The following CUX2 variants were observed in gnomAD, a reference collection of about 807,000 sequenced individuals.
CUX2 encodes homeobox protein cut-like 2.
CUX2 carries 40 observed loss-of-function variants against 144.8 expected under a neutral mutation model. The ratio of observed to expected loss-of-function variants is 0.28; its 90% CI spans 0.21 to 0.36. CUX2 has a LOEUF of 0.36. Among genes scored for constraint, CUX2 ranks in the 10% least tolerant of loss-of-function variants. The pLI is 1.00. For synonymous variants in CUX2, 827 were observed against 875.6 expected (o/e 0.94, Z 0.98); for missense variants, 1,615 against 1,994.0 (o/e 0.81, Z 3.62).
chr12:111,259,954 G>A (rs1884030119), intron 3 of CUX2, among the ~76,000 whole-genome samples: 1 of 151,900 alleles, frequency 6.6e-6, no homozygotes, highest in Non-Finnish European at 1.5e-5. Context: ...CCGAGCTCAG[G>A]AGTTTGAGAC....
At chr12:111,126,124 T>C (rs951802580) in intron 1 of CUX2, among the ~76,000 whole-genome samples, 1 of 151,536 alleles carries the variant, frequency 6.6e-6, no homozygotes, top group African/African-American at 2.4e-5. Flanking sequence ...TTTTTTTTTT[T>C]TTAAGATGGA....
intron 1 of CUX2, among the ~76,000 whole-genome samples, chr12:111,116,950 G>A (rs1165234657): frequency 2.0e-5 from 3 of 152,196 alleles, no homozygotes; most frequent in Non-Finnish European, 4.4e-5. Context: ...CTGGCCTGAG[G>A]TTGCAGAGCT....
chr12:111,323,866 T>G (rs892618722), intron 18 of CUX2, among the ~76,000 whole-genome samples: 2 of 152,024 alleles, frequency 1.3e-5, no homozygotes, highest in Non-Finnish European at 2.9e-5. Flanking sequence ...AAATCAGCCT[T>G]GGCAACATGG....
intron 1 of CUX2, among the ~76,000 whole-genome samples, chr12:111,101,012 C>A (rs367611822): frequency 3.9e-5 from 6 of 152,224 alleles, no homozygotes; most frequent in African/African-American, 1.2e-4. Flanking sequence ...TTTTAACCCA[C>A]CCTATTCCAA....
chr12:111,042,690 G>A (rs1869809037), intron 1 of CUX2, among the ~76,000 whole-genome samples: 2 of 151,996 alleles, frequency 1.3e-5, no homozygotes, highest in South Asian at 4.2e-4. Flanking sequence ...GGAGTGCAAC[G>A]GTGCCATCAG....
At chr12:111,166,922 G>A (rs1463561025) in intron 1 of CUX2, among the ~76,000 whole-genome samples, 1 of 152,248 alleles carries the variant, frequency 6.6e-6, no homozygotes, top group African/African-American at 2.4e-5. Flanking sequence ...CTTGGCAGCA[G>A]GCTGCTGGCT....
chr12:111,062,484 C>T (rs1169906939), intron 1 of CUX2, among the ~76,000 whole-genome samples: 2 of 152,214 alleles, frequency 1.3e-5, no homozygotes, highest in Non-Finnish European at 2.9e-5. Context: ...AGCTGGGAGA[C>T]GGCTCGAGCG....
intron 1 of CUX2, among the ~76,000 whole-genome samples, chr12:111,165,145 G>A (rs773641843): frequency 5.3e-4 from 81 of 152,306 alleles, no homozygotes; most frequent in Non-Finnish European, 7.9e-4. Flanking sequence ...CCTCTGTGTC[G>A]TAAGGGACTA....
intron 1 of CUX2, among the ~76,000 whole-genome samples, chr12:111,130,243 A>C (rs968100318): frequency 6.6e-6 from 1 of 152,198 alleles, no homozygotes; most frequent in Non-Finnish European, 1.5e-5. Context: ...CTGTGAATTG[A>C]TTGAGGGGCT....
At chr12:111,328,864 A>T (rs1018680085) in intron 18 of CUX2, among the ~76,000 whole-genome samples, 18 of 151,654 alleles carry the variant, frequency 1.2e-4, no homozygotes, top group African/African-American at 4.1e-4. Flanking sequence ...CTGGGATTAC[A>T]GGCATGAGCT....
chr12:111,319,921 T>C (rs1887420972), intron 16 of CUX2, 91 bp from the exon 17 acceptor site: 1 of 1,398,558 alleles, frequency 7.2e-7, no homozygotes, highest in Non-Finnish European at 9.2e-7. Flanking sequence ...CTGGACACCG[T>C]GCTGGCATCA....
At chr12:111,248,285 C>G (rs1051478533) in intron 3 of CUX2, among the ~76,000 whole-genome samples, 4 of 152,210 alleles carry the variant, frequency 2.6e-5, no homozygotes, top group African/African-American at 9.6e-5. Context: ...CACTGAGGCA[C>G]AGAGTGTTCC....
rs1277709293 is a variant in CUX2, at chr12:111,310,735, A to C, written c.1900+53A>C. On this transcript the variant is annotated intron_variant, in intron 15 of 21. Transcript: ENST00000261726. This position sits in a 1 kb window ranked among gnomAD's most constrained non-coding sequence, Gnocchi z 7.9. ...CTGGCCACCACGCCAGGTCCAGGGC[A>C]TCAGGGCTGGGGGCTGAGGACACGC... 1 of 1,535,464 alleles carries C rather than the reference A, an allele frequency of 6.5e-7. No homozygotes were observed. The highest frequency in any genetic ancestry group is 8.8e-7 in the Non-Finnish European group (1 of 1,138,852).
rs1252452537 is a variant in CUX2, at chr12:111,042,986, C to T, written c.63+8746C>T. 7.2e-5 allele frequency among the ~76,000 whole-genome samples: 11 copies of T among 152,172 alleles called. 1 individual carries two copies. The highest frequency in any genetic ancestry group is 7.2e-4 in the Admixed American group (11 of 15,276). On this transcript the variant is annotated intron_variant, in intron 1 of 21. Transcript: ENST00000261726. ...GCATATGAAGCGCTGAGATCCATGCCCAGCACATTGAAACATGATATAATG... is the reference window on the plus strand; with the variant it reads ...GCATATGAAGCGCTGAGATCCATGCTCAGCACATTGAAACATGATATAATG...
At chr12:111,223,646 A>T (rs1483186464) in intron 3 of CUX2, among the ~76,000 whole-genome samples, 2 of 152,090 alleles carry the variant, frequency 1.3e-5, no homozygotes, top group Non-Finnish European at 1.5e-5. Context: ...GTTCTGGGGG[A>T]TAAGACAGCA....
chr12:111,185,986 T>C (rs1460223070), intron 1 of CUX2, among the ~76,000 whole-genome samples: 1 of 151,802 alleles, frequency 6.6e-6, no homozygotes, highest in African/African-American at 2.4e-5. Context: ...TTTCTGTATT[T>C]CTCTGTCTTT....
At chr12:111,137,617 G>T (rs1021969372) in intron 1 of CUX2, among the ~76,000 whole-genome samples, 1 of 152,032 alleles carries the variant, frequency 6.6e-6, no homozygotes, top group East Asian at 1.9e-4. Context: ...AGGCTCAGGT[G>T]GTTCTCCCAC....
Position 111,240,610 on chromosome 12 carries a change from G to A in CUX2, c.222+22673G>A, listed in dbSNP as rs182640336. 1.7e-3 allele frequency among the ~76,000 whole-genome samples: 261 copies of A among 152,320 alleles called. 1 individual carries two copies. Among genetic ancestry groups the A allele is most frequent in the Non-Finnish European group, 2.8e-3 (191 of 68,034 alleles). On this transcript the variant is annotated intron_variant, in intron 3 of 21. Transcript: ENST00000261726. ...GGCCACCACAGCCAATCTTAGGGGA[G>A]GAAAGAAGATCACAAATGAGCAGCC...
At chr12:111,324,448 A>G (rs890850510) in intron 18 of CUX2, among the ~76,000 whole-genome samples, 1 of 151,720 alleles carries the variant, frequency 6.6e-6, no homozygotes, top group Non-Finnish European at 1.5e-5. Flanking sequence ...AGGAAGAGGC[A>G]GGGCGTGGTG....
Sources: gnomAD v4.1 joint callset for allele counts (sites outside exome capture counted in the v4.1 genomes callset) on GRCh38, gnomAD v4.1.1 for gene constraint, Gnocchi (gnomAD v3.1) non-coding constraint, MANE v1.5 for transcripts, NCBI Gene and HGNC (gene_info 2026-07-23, HGNC 2026-07-21) for gene names.